PI4KA: variants seen among roughly 807,000 people sequenced by gnomAD.
PI4KA encodes PI4-kinase alpha.
A neutral mutation model predicts 271.4 loss-of-function variants in PI4KA; 122 were observed. That is an observed-to-expected ratio of 0.45 (90% CI 0.39 to 0.52). PI4KA has a LOEUF of 0.52. Among genes scored for constraint, PI4KA ranks in the 20% least tolerant of loss-of-function variants. The pLI, the probability that PI4KA is intolerant of heterozygous loss-of-function variation, is 0.00. For missense variants in PI4KA, 1,969 were observed against 2,769.1 expected (o/e 0.71, Z 6.48); for synonymous variants, 1,041 against 1,078.8 (o/e 0.96, Z 0.69).
chr22:20,754,077 AC>A (rs1292865616), intron 23 of PI4KA, among the ~76,000 whole-genome samples: 5 of 151,686 alleles, frequency 3.3e-5, no homozygotes, highest in Non-Finnish European at 7.4e-5. Flanking sequence ...GGTTTGAGTT[AC>A]CGTTTTTCCC....
At chr22:20,748,517 T>C (rs1930351744) in intron 28 of PI4KA, among the ~76,000 whole-genome samples, 1 of 151,862 alleles carries the variant, frequency 6.6e-6, no homozygotes, top group Admixed American at 6.6e-5. Flanking sequence ...AGCCCAGGGG[T>C]GTGAGGGAGG....
Position 20,792,419 on chromosome 22 carries a change from T to C in PI4KA, c.2328+774A>G, listed in dbSNP as rs1934702860. 2.0e-5 allele frequency among the ~76,000 whole-genome samples: 3 copies of C among 152,052 alleles called. 1 individual carries two copies. The South Asian group carries it at 6.2e-4, about 31-fold the overall frequency. On this transcript the variant is annotated intron_variant, in intron 19 of 54. Coordinates refer to ENST00000255882, the MANE Select transcript of PI4KA (RefSeq NM_058004.4). ...TCTGCCACCAGGCCCACCCCTCTGG[T>C]GTACAAGGTGAAGGGGACACATGCA...
intron 3 of PI4KA, among the ~76,000 whole-genome samples, chr22:20,834,332 G>A (rs1364788433): frequency 1.3e-5 from 2 of 152,148 alleles, no homozygotes; most frequent in African/African-American, 4.8e-5. Flanking sequence ...ACTCTCAGAA[G>A]AATGCAATGG....
At chr22:20,796,060 T>G in intron 18 of PI4KA, 86 bp downstream of exon 18, 1 of 1,300,530 alleles carries the variant, frequency 7.7e-7, no homozygotes, top group Non-Finnish European at 1.1e-6. Context: ...AGTGCCATAT[T>G]CCAACCAAGA....
At chr22:20,736,497 G>C (rs1928735377) in intron 32 of PI4KA, 1 of 153,914 alleles carries the variant, frequency 6.5e-6, no homozygotes, top group Non-Finnish European at 1.4e-5. Flanking sequence ...TGGGGAGCAG[G>C]AGGCCAGGCC....
intron 19 of PI4KA, among the ~76,000 whole-genome samples, chr22:20,792,549 T>C (rs933121534): frequency 1.2e-4 from 18 of 152,130 alleles, no homozygotes; most frequent in African/African-American, 3.9e-4. Flanking sequence ...GGAGAGAATA[T>C]GGAATGAAAA....
chr22:20,833,692 G>A (rs1234446530), intron 3 of PI4KA, among the ~76,000 whole-genome samples: 5 of 134,274 alleles, frequency 3.7e-5, no homozygotes, highest in African/African-American at 1.1e-4. Flanking sequence ...ACGGAGTCTC[G>A]TGCTGTCGCC....
chr22:20,835,136 T>C (rs2147764554), intron 2 of PI4KA, among the ~76,000 whole-genome samples: 1 of 152,224 alleles, frequency 6.6e-6, no homozygotes, highest in South Asian at 2.1e-4. Context: ...CCTTGTGTTT[T>C]TTTTTTTTAA....
chr22:20,739,717 A>C (rs980195418), intron 32 of PI4KA, among the ~76,000 whole-genome samples: 7 of 152,188 alleles, frequency 4.6e-5, no homozygotes, highest in African/African-American at 1.4e-4. Context: ...AAATAATGGA[A>C]AGAATGCATG....
At position 20,753,184 on chromosome 22, in the gene PI4KA, A is replaced by T. The variant is rs1182257842; in HGVS notation, c.2792-4T>A. The T allele has an allele frequency of 1.2e-6, 2 of 1,612,144 alleles. No individual in the cohort carries two copies. The highest frequency in any genetic ancestry group is 3.3e-5 in the Admixed American group (2 of 60,020). On this transcript the variant is annotated splice_polypyrimidine_tract_variant and splice_region_variant and intron_variant, in intron 23 of 54. Coordinates refer to ENST00000255882, the MANE Select transcript of PI4KA (RefSeq NM_058004.4). ...GCAATCACACACTGCATCATCCCTGAAACGAGAAGGTTTCCATGGATAAGG... is the reference window on the plus strand; with the variant it reads ...GCAATCACACACTGCATCATCCCTGTAACGAGAAGGTTTCCATGGATAAGG...
At chr22:20,824,187 G>A (rs1327861050) in intron 4 of PI4KA, 139 bp downstream of exon 4, 1 of 694,056 alleles carries the variant, frequency 1.4e-6, no homozygotes, top group African/African-American at 1.8e-5. Flanking sequence ...CATGTCTTAG[G>A]TCTGCTGTCA....
intron 41 of PI4KA, 117 bp from the exon 42 acceptor site, chr22:20,726,658 G>A: frequency 1.1e-6 from 1 of 894,476 alleles, no homozygotes; most frequent in South Asian, 1.8e-5. Flanking sequence ...ACTGGGGAAA[G>A]CCCAGAGGAT....
intron 29 of PI4KA, 63 bp from the exon 30 acceptor site, chr22:20,744,783 G>A (rs1330522704): frequency 5.0e-5 from 68 of 1,358,658 alleles, no homozygotes; most frequent in Non-Finnish European, 6.8e-5. Flanking sequence ...TGTTTACCAT[G>A]GCTAAGCCTA....
At chr22:20,774,618 G>A (rs1469343222) in intron 19 of PI4KA, among the ~76,000 whole-genome samples, 1 of 152,030 alleles carries the variant, frequency 6.6e-6, no homozygotes, top group Non-Finnish European at 1.5e-5. Flanking sequence ...AAAATTAGCT[G>A]GGCGTGGTGG....
Position 20,813,403 on chromosome 22 carries a change from C to T in PI4KA, c.960G>A (p.Lys320=). The change falls in exon 8 of 55, where the codon AAG becomes AAA. Residue 320 remains lysine (K), a synonymous_variant. Coordinates refer to ENST00000255882, the MANE Select transcript of PI4KA (RefSeq NM_058004.4). ...VSPLFNGVTY[K]EFNIPLEMLR... is the part of the protein sequence containing the mutation. The stretch of plus-strand genomic sequence containing the variant: ...GCATTTCCAATGGAATGTTAAACTC[C>T]TTATATGTGACACCGTTGAAAAGGG... 1 of 1,613,648 alleles carries T rather than the reference C, an allele frequency of 6.2e-7. No homozygotes were observed. The highest frequency in any genetic ancestry group is 8.5e-7 in the Non-Finnish European group (1 of 1,179,662).
chr22:20,768,191 T>C (rs1212139081), intron 19 of PI4KA, among the ~76,000 whole-genome samples: 1 of 151,924 alleles, frequency 6.6e-6, no homozygotes, highest in African/African-American at 2.4e-5. Flanking sequence ...AATGCCCGGC[T>C]TAATTATTGT....
At chr22:20,789,334 T>C (rs1434654880) in intron 19 of PI4KA, among the ~76,000 whole-genome samples, 1 of 152,142 alleles carries the variant, frequency 6.6e-6, no homozygotes, top group East Asian at 1.9e-4. Flanking sequence ...TTTATTCATT[T>C]ATTTTATTTT....
chr22:20,719,285 T>A lies in PI4KA; in HGVS notation c.5117-463A>T, dbSNP rs1461460966. Among the ~76,000 whole-genome samples, 4 of 151,920 alleles carry A rather than the reference T, an allele frequency of 2.6e-5. No individual in the cohort carries two copies. The South Asian group carries it at 6.3e-4, about 24-fold the overall frequency. On this transcript the variant is annotated intron_variant, in intron 43 of 54. Transcript: ENST00000255882. ...AATAGAGGCACACAGTGGGCGGGGC[T>A]CTATATTAAATAGTGCCTCTCACTA...
chr22:20,855,629 C>T (rs1323662160), intron 1 of PI4KA, among the ~76,000 whole-genome samples: 1 of 152,220 alleles, frequency 6.6e-6, no homozygotes, highest in African/African-American at 2.4e-5. Context: ...TCCTTATGTT[C>T]TCTCCCTCCT....
Sources: gnomAD v4.1 joint callset for allele counts (sites outside exome capture counted in the v4.1 genomes callset) on GRCh38, gnomAD v4.1.1 for gene constraint, MANE v1.5 for transcripts, NCBI Gene and HGNC (gene_info 2026-07-23, HGNC 2026-07-21) for gene names.